MACROD2: variants seen among roughly 807,000 people sequenced by gnomAD.
The protein encoded by MACROD2 is mono-ADP ribosylhydrolase 2.
Under a neutral mutation model 70.4 loss-of-function variants are expected in MACROD2, and 36 were observed. The observed-to-expected ratio is 0.51, with a 90% confidence interval of 0.39 to 0.68. The LOEUF is 0.68. Ranked by LOEUF, MACROD2 falls within the 30% of genes least tolerant of loss-of-function variation. The pLI, the probability that MACROD2 is intolerant of heterozygous loss-of-function variation, is 0.00. For synonymous variants in MACROD2, 172 were observed against 178.8 expected, an observed-to-expected ratio of 0.96 and a Z score of 0.30; for missense variants, 496 against 538.4, an observed-to-expected ratio of 0.92 and a Z score of 0.78.
At chr20:15,329,788 C>A (rs2077972688) in intron 6 of MACROD2, among the ~76,000 whole-genome samples, 1 of 152,012 alleles carries the variant, frequency 6.6e-6, no homozygotes, top group Non-Finnish European at 1.5e-5. Flanking sequence ...CTATCCCCGA[C>A]CTACTGAAAC....
Position 15,259,190 on chromosome 20 carries a change from A to G in MACROD2, c.540+29129A>G, listed in dbSNP as rs536066832. Among the ~76,000 whole-genome samples the G allele has an allele frequency of 8.5e-4, 130 of 152,066 alleles. 1 individual carries two copies. The highest frequency in any genetic ancestry group is 2.7e-3 in the African/African-American group (111 of 41,488). ...AGTTTTGGGTAATTTTTTAACAACA[A>G]CAACAACAACAAAATTTAGGAGCAA... On this transcript the variant is annotated intron_variant, in intron 6 of 17. Coordinates refer to ENST00000684519, the MANE Select transcript of MACROD2 (RefSeq NM_001351661.2).
At chr20:15,060,660 T>A (rs2123078348) in intron 5 of MACROD2, among the ~76,000 whole-genome samples, 1 of 152,294 alleles carries the variant, frequency 6.6e-6, no homozygotes, top group African/African-American at 2.4e-5. Flanking sequence ...TCCCATGGCT[T>A]CATGTGCCAA....
intron 8 of MACROD2, among the ~76,000 whole-genome samples, chr20:15,785,169 A>T (rs935208222): frequency 1.4e-5 from 2 of 143,158 alleles, no homozygotes; most frequent in East Asian, 4.2e-4. Flanking sequence ...AAAAAAAAAA[A>T]AATTAAAAAA....
chr20:14,544,683 TA>T (rs1334304545), intron 4 of MACROD2, among the ~76,000 whole-genome samples: 3 of 151,976 alleles, frequency 2.0e-5, no homozygotes, highest in Non-Finnish European at 4.4e-5. Flanking sequence ...GGAACACTGA[TA>T]GGGGAGTGAA....
In MACROD2 at chr20:14,675,296, G is replaced by A. The variant is rs538788172; in HGVS notation, c.302-9547G>A. On this transcript the variant is annotated intron_variant, in intron 4 of 17. Transcript: ENST00000684519. ...AATGAAGGAAAAAATATTAAATGCA[G>A]CCAGAGAGAAAGGTCAGGTTACCCA... is the stretch of plus-strand genomic sequence containing the variant. 4.6e-5 allele frequency among the ~76,000 whole-genome samples: 7 copies of A among 152,238 alleles called. No individual in the cohort carries two copies. The South Asian group carries it at 1.5e-3, about 32-fold the overall frequency.
At chr20:15,470,312 G>A (rs182332462) in intron 7 of MACROD2, among the ~76,000 whole-genome samples, 1 of 152,170 alleles carries the variant, frequency 6.6e-6, no homozygotes, top group South Asian at 2.1e-4. Context: ...GCCTCCTAAA[G>A]TGCTGGGATT....
intron 4 of MACROD2, among the ~76,000 whole-genome samples, chr20:14,538,191 AG>A (rs1384374816): frequency 2.6e-5 from 4 of 152,154 alleles, no homozygotes; most frequent in Admixed American, 1.3e-4. Context: ...CAACCGTGGG[AG>A]GGGGTGGAGC....
At chr20:15,710,544 C>T (rs2050611653) in intron 8 of MACROD2, among the ~76,000 whole-genome samples, 1 of 152,140 alleles carries the variant, frequency 6.6e-6, no homozygotes, top group South Asian at 2.1e-4. Context: ...AGATCTTCAT[C>T]CAAAAGGGAA....
chr20:15,400,491 C>G (rs1430667791), intron 6 of MACROD2, among the ~76,000 whole-genome samples: 1 of 152,212 alleles, frequency 6.6e-6, no homozygotes, highest in Non-Finnish European at 1.5e-5. Flanking sequence ...GGCTGCCTAG[C>G]TCACTGTGGC....
chr20:14,897,176 C>A (rs1184544716), intron 5 of MACROD2, among the ~76,000 whole-genome samples: 2 of 152,084 alleles, frequency 1.3e-5, no homozygotes, highest in Admixed American at 6.5e-5. Context: ...ACAAGATAAG[C>A]AGGTCTGTGT....
intron 5 of MACROD2, among the ~76,000 whole-genome samples, chr20:14,922,171 A>G (rs1014555004): frequency 7.9e-5 from 12 of 152,196 alleles, no homozygotes; most frequent in African/African-American, 2.9e-4. Context: ...TATTGAAGAT[A>G]CCTGCATTTT....
At chr20:15,104,113 G>A (rs2075893389) in intron 5 of MACROD2, among the ~76,000 whole-genome samples, 1 of 152,078 alleles carries the variant, frequency 6.6e-6, no homozygotes, top group Admixed American at 6.6e-5. Context: ...GTTAAAGAAG[G>A]CAATGTAAAG....
At chr20:14,461,415 T>G (rs958156727) in intron 3 of MACROD2, among the ~76,000 whole-genome samples, 1 of 152,044 alleles carries the variant, frequency 6.6e-6, no homozygotes, top group Non-Finnish European at 1.5e-5. Context: ...GTTTTTCTTG[T>G]CTTTCTCTCC....
intron 5 of MACROD2, among the ~76,000 whole-genome samples, chr20:15,161,518 C>A (rs977261586): frequency 6.6e-6 from 1 of 151,812 alleles, no homozygotes; most frequent in African/African-American, 2.4e-5. Flanking sequence ...AATATTTGTA[C>A]ATACTGCCCA....
intron 5 of MACROD2, among the ~76,000 whole-genome samples, chr20:15,227,747 C>T (rs576821682): frequency 4.7e-5 from 7 of 149,966 alleles, no homozygotes; most frequent in African/African-American, 1.5e-4. Context: ...CTCCTGGAGA[C>T]GCACAACTCC....
At chr20:15,842,912 C>G (rs2147133870) in intron 8 of MACROD2, among the ~76,000 whole-genome samples, 1 of 152,242 alleles carries the variant, frequency 6.6e-6, no homozygotes, top group South Asian at 2.1e-4. Flanking sequence ...CTTTTTATAT[C>G]AAGATCCACT....
At chr20:15,588,786 G>A (rs1464441478) in intron 8 of MACROD2, among the ~76,000 whole-genome samples, 1 of 152,096 alleles carries the variant, frequency 6.6e-6, no homozygotes, top group Non-Finnish European at 1.5e-5. Flanking sequence ...TTATCTTATT[G>A]TTCATATCAC....
At chr20:14,383,960 T>C (rs2083446924) in intron 3 of MACROD2, among the ~76,000 whole-genome samples, 1 of 152,162 alleles carries the variant, frequency 6.6e-6, no homozygotes, top group African/African-American at 2.4e-5. Context: ...TGTTTGGAAA[T>C]ATAAATACAA....
intron 3 of MACROD2, among the ~76,000 whole-genome samples, chr20:14,411,381 C>G (rs1296231691): frequency 6.6e-6 from 1 of 151,984 alleles, no homozygotes; most frequent in Non-Finnish European, 1.5e-5. Flanking sequence ...CAGCTGAATT[C>G]CCTTAATGTT....
Sources: allele counts gnomAD v4.1 joint callset (sites outside exome capture counted in the v4.1 genomes callset), GRCh38; gene constraint gnomAD v4.1.1; transcripts MANE v1.5; gene names NCBI Gene and HGNC (gene_info 2026-07-23, HGNC 2026-07-21).